PTPRD: variants seen among roughly 807,000 people sequenced by gnomAD.
PTPRD encodes the protein protein tyrosine phosphatase receptor type D.
PTPRD carries 34 observed loss-of-function variants against 214.5 expected under a neutral mutation model. The ratio of observed to expected loss-of-function variants is 0.16; its 90% CI spans 0.12 to 0.21. The LOEUF (loss-of-function observed/expected upper bound fraction) is 0.21. Among genes scored for constraint, PTPRD ranks in the 10% least tolerant of loss-of-function variants. PTPRD has a pLI of 1.00. For missense variants in PTPRD, 2,545 were observed against 2,398.7 expected, an observed-to-expected ratio of 1.06 and a Z score of -1.27; for synonymous variants, 1,128 against 845.7, an observed-to-expected ratio of 1.33 and a Z score of -5.79.
intron 10 of PTPRD, among the ~76,000 whole-genome samples, chr9:9,060,329 T>C (rs183273109): frequency 6.6e-5 from 10 of 152,254 alleles, no homozygotes. Context: ...TGAATTTGAC[T>C]CTTATCTCAC....
At chr9:8,758,094 C>A (rs2094146799) in intron 11 of PTPRD, among the ~76,000 whole-genome samples, 1 of 152,192 alleles carries the variant, frequency 6.6e-6, no homozygotes, top group Non-Finnish European at 1.5e-5. Flanking sequence ...CAGCCTACCT[C>A]ATCAAAATCA....
intron 11 of PTPRD, among the ~76,000 whole-genome samples, chr9:8,870,722 A>ACC (rs2098283026): frequency 6.6e-6 from 1 of 151,380 alleles, no homozygotes; most frequent in Non-Finnish European, 1.5e-5. Context: ...ACACACACAC[A>ACC]CACACACGGG....
chr9:9,069,131 C>A (rs1052267790), intron 10 of PTPRD, among the ~76,000 whole-genome samples: 3 of 152,156 alleles, frequency 2.0e-5, no homozygotes, highest in Non-Finnish European at 2.9e-5. Flanking sequence ...TATTGCTATA[C>A]TTAAAGGTTT....
intron 5 of PTPRD, among the ~76,000 whole-genome samples, chr9:9,788,459 G>T (rs2098942455): frequency 1.3e-5 from 2 of 151,266 alleles, no homozygotes; most frequent in Non-Finnish European, 2.9e-5. Context: ...GGCTGAGGCA[G>T]GAGAATGGCA....
intron 14 of PTPRD, among the ~76,000 whole-genome samples, chr9:8,572,298 G>A (rs1175814761): frequency 6.6e-6 from 1 of 151,940 alleles, no homozygotes; most frequent in Non-Finnish European, 1.5e-5. Context: ...TAACTAAAAA[G>A]CAAAACCAAA....
intron 11 of PTPRD, among the ~76,000 whole-genome samples, chr9:8,990,642 A>G (rs866339222): frequency 8.5e-5 from 13 of 152,308 alleles, no homozygotes; most frequent in Middle Eastern, 3.4e-3. Flanking sequence ...AGCCAAAAAA[A>G]CTAAAAATAT....
At chr9:9,295,962 T>C (rs1427994721) in intron 9 of PTPRD, among the ~76,000 whole-genome samples, 1 of 151,822 alleles carries the variant, frequency 6.6e-6, no homozygotes, top group East Asian at 1.9e-4. Context: ...TTTCTGGAAA[T>C]TAAATTTTAA....
chr9:8,544,157 G>T (rs1254249776), intron 14 of PTPRD, among the ~76,000 whole-genome samples: 1 of 142,322 alleles, frequency 7.0e-6, no homozygotes, highest in African/African-American at 2.6e-5. Flanking sequence ...GTAAGGTTTT[G>T]CCATTACTTT....
intron 7 of PTPRD, among the ~76,000 whole-genome samples, chr9:9,593,611 AG>A (rs1237329243): frequency 6.6e-6 from 1 of 152,008 alleles, no homozygotes; most frequent in Non-Finnish European, 1.5e-5. Flanking sequence ...ATGTGGAGGC[AG>A]CCCCACAGAG....
chr9:8,612,350 T>G (rs1267980522), intron 14 of PTPRD, among the ~76,000 whole-genome samples: 1 of 152,222 alleles, frequency 6.6e-6, no homozygotes, highest in Non-Finnish European at 1.5e-5. Context: ...TCATTTCATT[T>G]AAAGGCCAAG....
At chr9:8,606,972 G>T (rs1449835126) in intron 14 of PTPRD, among the ~76,000 whole-genome samples, 2 of 152,152 alleles carry the variant, frequency 1.3e-5, no homozygotes, top group Non-Finnish European at 2.9e-5. Context: ...TTCAACAGAA[G>T]CCCAATGGGG....
intron 9 of PTPRD, among the ~76,000 whole-genome samples, chr9:9,261,154 A>T (rs148074360): frequency 6.6e-6 from 1 of 151,978 alleles, no homozygotes; most frequent in Non-Finnish European, 1.5e-5. Flanking sequence ...CCTGTTTACG[A>T]GTGGCTGCTT....
At position 8,493,083 on chromosome 9, in the gene PTPRD, T is replaced by C. The variant is rs2097183745; in HGVS notation, c.2350-104A>G. The C allele has an allele frequency of 6.6e-6, 6 of 915,720 alleles. No individual in the cohort carries two copies. In the Admixed American group the frequency reaches 9.2e-5, roughly 14 times the overall value. 56.7% of individuals were successfully genotyped at this position (915,720 alleles called of 1,614,324 possible). A position where few individuals can be genotyped will look rare whatever the true frequency, so the allele number is the denominator to read the frequency against. On this transcript the variant is annotated intron_variant, in intron 26 of 45. Coordinates refer to ENST00000381196, the MANE Select transcript of PTPRD (RefSeq NM_002839.4). ...CATTCTGCAAATGCTCGCACATCCCTTGCAGCCATGCTAAGCCCTGGAAAT... is the reference window on the plus strand; with the variant it reads ...CATTCTGCAAATGCTCGCACATCCCCTGCAGCCATGCTAAGCCCTGGAAAT...
At chr9:9,080,101 T>C (rs1387317493) in intron 10 of PTPRD, among the ~76,000 whole-genome samples, 1 of 152,076 alleles carries the variant, frequency 6.6e-6, no homozygotes, top group African/African-American at 2.4e-5. Context: ...TTATTGTCTA[T>C]TGAGCATCTA....
chr9:9,262,518 G>A (rs1303865437), intron 9 of PTPRD, among the ~76,000 whole-genome samples: 1 of 151,240 alleles, frequency 6.6e-6, no homozygotes, highest in Non-Finnish European at 1.5e-5. Flanking sequence ...ACTATATTGG[G>A]CAGTGTAGCT....
At chr9:9,476,783 T>A (rs952849568) in intron 8 of PTPRD, among the ~76,000 whole-genome samples, 9 of 152,202 alleles carry the variant, frequency 5.9e-5, no homozygotes, top group African/African-American at 1.9e-4. Context: ...TTGCCCAGGC[T>A]GGAGGGCGAT....
chr9:8,405,666 T>G (rs2130681996), intron 35 of PTPRD, among the ~76,000 whole-genome samples: 1 of 152,236 alleles, frequency 6.6e-6, no homozygotes, highest in Non-Finnish European at 1.5e-5. Flanking sequence ...AAACACAAGT[T>G]CATTAATGAC....
rs2096468082 is a variant in PTPRD at position 9,654,909 on chromosome 9, T to C, written c.-287+79624A>G. On this transcript the variant is annotated intron_variant, in intron 7 of 45. Transcript: ENST00000381196. ...GATATATGAAATCCTTCAATGATTT[T>C]ATACAATTAGCTTTTGAAAGTAAAA... Among the ~76,000 whole-genome samples, 3 of 152,242 alleles carry C rather than the reference T, an allele frequency of 2.0e-5. No individual in the cohort carries two copies. In the South Asian group the frequency reaches 6.2e-4, roughly 32 times the overall value.
chr9:9,203,657 T>G (rs1303724134), intron 9 of PTPRD, among the ~76,000 whole-genome samples: 5 of 152,218 alleles, frequency 3.3e-5, no homozygotes, highest in African/African-American at 1.2e-4. Context: ...TCTCTCCATC[T>G]CTGCCACAGT....
Sources: allele counts gnomAD v4.1 joint callset (sites outside exome capture counted in the v4.1 genomes callset), GRCh38; gene constraint gnomAD v4.1.1; transcripts MANE v1.5; gene names NCBI Gene and HGNC (gene_info 2026-07-23, HGNC 2026-07-21).